Variants in CPED1 observed in about 807,000 individuals in gnomAD.
CPED1 encodes cadherin like and PC-esterase domain containing 1.
A neutral mutation model predicts 128.2 loss-of-function variants in CPED1; 114 were observed. The observed-to-expected ratio is 0.89, with a 90% CI of 0.76 to 1.04. The LOEUF is 1.04. Among genes scored for constraint, CPED1 ranks in the 50% least tolerant of loss-of-function variants. The pLI, the probability that CPED1 is intolerant of heterozygous loss-of-function variation, is 0.00. For missense variants in CPED1, 1,211 were observed against 1,207.1 expected (o/e 1.00, Z -0.05); for synonymous variants, 462 against 426.7 (o/e 1.08, Z -1.02).
At chr7:121,196,589 G>A (rs529142039) in intron 16 of CPED1, among the ~76,000 whole-genome samples, 2 of 152,248 alleles carry the variant, frequency 1.3e-5, no homozygotes, top group South Asian at 2.1e-4. Context: ...CTGTCTCCCA[G>A]CTGTGAGAAT....
At chr7:121,248,367 C>T (rs1798587410) in intron 18 of CPED1, among the ~76,000 whole-genome samples, 1 of 152,064 alleles carries the variant, frequency 6.6e-6, no homozygotes, top group African/African-American at 2.4e-5. Flanking sequence ...GACACAGTAC[C>T]AGTGATTAAA....
rs149447305 is a variant in CPED1, at chr7:121,114,905, G to A, written c.919-9426G>A. Among the ~76,000 whole-genome samples, 1,286 of 152,294 alleles carry A rather than the reference G, an allele frequency of 8.4e-3. 13 individuals are homozygous for A. The highest frequency in any genetic ancestry group is 0.028 in the African/African-American group (1,183 of 41,548). On this transcript the variant is annotated intron_variant, in intron 7 of 22. Transcript: ENST00000310396. The stretch of plus-strand genomic sequence containing the variant: ...GTTTACTGTGTGCATAAACGTATGC[G>A]CATGCATAATCGTCTGTTGATTAAT...
At chr7:121,116,257 G>A (rs1163342998) in intron 7 of CPED1, among the ~76,000 whole-genome samples, 1 of 152,160 alleles carries the variant, frequency 6.6e-6, no homozygotes, top group Non-Finnish European at 1.5e-5. Flanking sequence ...ACTGGAAACA[G>A]AAAACTTATT....
intron 16 of CPED1, among the ~76,000 whole-genome samples, chr7:121,199,462 G>A (rs1169810256): frequency 1.3e-5 from 2 of 151,726 alleles, no homozygotes; most frequent in Admixed American, 6.6e-5. Flanking sequence ...GGCAGATCAC[G>A]AGGTCAAGAG....
intron 22 of CPED1, among the ~76,000 whole-genome samples, chr7:121,273,622 T>C (rs1792274744): frequency 6.6e-6 from 1 of 152,082 alleles, no homozygotes; most frequent in Non-Finnish European, 1.5e-5. Context: ...ATGGGTGGAT[T>C]TACATTATCC....
intron 7 of CPED1, among the ~76,000 whole-genome samples, chr7:121,110,112 T>C (rs1265465189): frequency 1.3e-5 from 2 of 152,166 alleles, no homozygotes; most frequent in African/African-American, 4.8e-5. Flanking sequence ...TCTATGACCT[T>C]AGACAAATCT....
chr7:121,166,864 G>A (rs908497636), intron 16 of CPED1, among the ~76,000 whole-genome samples: 1 of 152,134 alleles, frequency 6.6e-6, no homozygotes, highest in African/African-American at 2.4e-5. Flanking sequence ...AGCAACAACT[G>A]TTGTGCTGAG....
intron 21 of CPED1, among the ~76,000 whole-genome samples, chr7:121,269,534 A>G (rs562831562): frequency 3.9e-4 from 60 of 152,222 alleles, no homozygotes; most frequent in African/African-American, 1.4e-3. Context: ...GCTGGGTCAA[A>G]TGGTAGTTCC....
chr7:121,244,403 A>C, intron 18 of CPED1, 65 bp downstream of exon 18: 1 of 1,557,204 alleles, frequency 6.4e-7, no homozygotes, highest in Non-Finnish European at 8.8e-7. Context: ...AAAATCGTAT[A>C]GTTGTATCTA....
At chr7:121,146,242 T>C (rs1213470788) in intron 16 of CPED1, among the ~76,000 whole-genome samples, 1 of 152,090 alleles carries the variant, frequency 6.6e-6, no homozygotes, top group Non-Finnish European at 1.5e-5. Flanking sequence ...GAAAATTCTA[T>C]GTCCTCACAT....
intron 18 of CPED1, among the ~76,000 whole-genome samples, chr7:121,257,126 A>C (rs1486385348): frequency 6.6e-6 from 1 of 152,080 alleles, no homozygotes; most frequent in Non-Finnish European, 1.5e-5. Context: ...TGTGCTCACT[A>C]TCTGCATAGC....
In CPED1 at chr7:121,295,888, C is replaced by A; in HGVS notation, c.*236C>A. ...AGTCCATTTCACAGTGAAAGATATACCTAGAGAAACGTTACTTGAAGCATA... is the reference window on the plus strand; with the variant it reads ...AGTCCATTTCACAGTGAAAGATATAACTAGAGAAACGTTACTTGAAGCATA... On this transcript the variant is annotated 3_prime_UTR_variant, in exon 23 of 23. Transcript: ENST00000310396. 1 of 398,264 alleles carries A rather than the reference C, an allele frequency of 2.5e-6. No individual in the cohort carries two copies. The highest frequency in any genetic ancestry group is 4.5e-6 in the Non-Finnish European group (1 of 220,872). The allele number at this position is 398,264 out of a possible 1,614,324, so 24.7% of individuals were successfully genotyped here.
At chr7:121,070,419 C>G (rs2721349) in intron 5 of CPED1, among the ~76,000 whole-genome samples, 137,801 of 151,806 alleles carry the variant, frequency 0.91, 62,649 homozygotes, top group Middle Eastern at 0.99. Context: ...TCTCACCTCT[C>G]TCCCAAACAT....
chr7:121,062,746 G>A (rs1333588752), intron 4 of CPED1: 1 of 152,108 alleles, frequency 6.6e-6, no homozygotes, highest in Non-Finnish European at 1.5e-5. Flanking sequence ...CGTGTTGTGG[G>A]AGGAACACAA....
chr7:121,111,470 G>C (rs1050422068), intron 7 of CPED1, among the ~76,000 whole-genome samples: 1 of 152,018 alleles, frequency 6.6e-6, no homozygotes, highest in African/African-American at 2.4e-5. Flanking sequence ...CATAAAATTG[G>C]GTTATTTTCA....
intron 22 of CPED1, among the ~76,000 whole-genome samples, chr7:121,279,266 T>A (rs2116769012): frequency 6.6e-6 from 1 of 151,860 alleles, no homozygotes; most frequent in East Asian, 1.9e-4. Flanking sequence ...TTATTTTTTT[T>A]ATCACAACTA....
At chr7:121,011,188 A>G (rs1792157013) in intron 2 of CPED1, among the ~76,000 whole-genome samples, 1 of 152,098 alleles carries the variant, frequency 6.6e-6, no homozygotes, top group Admixed American at 6.5e-5. Context: ...ATAAATCCAG[A>G]AAAAAATCTT....
At chr7:121,049,012 T>C (rs1223978409) in intron 4 of CPED1, among the ~76,000 whole-genome samples, 1 of 152,176 alleles carries the variant, frequency 6.6e-6, no homozygotes, top group Non-Finnish European at 1.5e-5. Context: ...AGATGAAAAA[T>C]ATAAAATGGT....
intron 18 of CPED1, among the ~76,000 whole-genome samples, chr7:121,248,395 G>A (rs1798588055): frequency 6.6e-6 from 1 of 152,150 alleles, no homozygotes; most frequent in Admixed American, 6.5e-5. Flanking sequence ...CCCCAAAGAT[G>A]TAGGAGCAGG....
Sources: gnomAD v4.1 joint callset for allele counts (sites outside exome capture counted in the v4.1 genomes callset) on GRCh38, gnomAD v4.1.1 for gene constraint, MANE v1.5 for transcripts, NCBI Gene and HGNC (gene_info 2026-07-23, HGNC 2026-07-21) for gene names.